Variants in LDB1 observed in about 807,000 individuals in gnomAD.
LDB1 encodes LIM domain-binding protein 1.
LDB1 carries 6 observed loss-of-function variants against 49.7 expected under a neutral mutation model. The ratio of observed to expected loss-of-function variants is 0.12; its 90% CI spans 0.07 to 0.24. The LOEUF is 0.24. Among genes scored for constraint, LDB1 ranks in the 10% least tolerant of loss-of-function variants. The pLI is 1.00. For synonymous variants in LDB1, 233 were observed against 202.0 expected (o/e 1.15, Z -1.30); for missense variants, 341 against 561.7 (o/e 0.61, Z 3.97).
intron 6 of LDB1, chr10:102,110,295 T>C (rs998654618): frequency 2.4e-5 from 15 of 624,002 alleles, no homozygotes; most frequent in Admixed American, 2.1e-4. Flanking sequence ...ACCCACCTGC[T>C]CTAAGCTATA....
At position 102,120,294 on chromosome 10, in the gene LDB1, G is replaced by C. The variant is rs566075078; in HGVS notation, c.-184C>G. ...CGAGGGGCCTGTCAGGCGCGGAGCA[G>C]ACAGGAAGGAAGCCAGGCAGGAAGG... On this transcript the variant is annotated 5_prime_UTR_variant, in exon 1 of 11. Coordinates refer to ENST00000673968, the MANE Select transcript of LDB1 (RefSeq NM_001113407.3). The C allele has an allele frequency of 4.1e-6, 4 of 984,136 alleles. No homozygotes were observed. In the Admixed American group the frequency reaches 2.5e-4, roughly 61 times the overall value. The allele number at this position is 984,136 out of a possible 1,614,324, so 61.0% of individuals were successfully genotyped here.
At chr10:102,116,417 G>A (rs1415614702) in intron 1 of LDB1, among the ~76,000 whole-genome samples, 1 of 152,158 alleles carries the variant, frequency 6.6e-6, no homozygotes, top group Non-Finnish European at 1.5e-5. Context: ...CTGACCTCAG[G>A]TGATCCACCC....
chr10:102,107,924 G>A lies in LDB1; in HGVS notation c.*169C>T, dbSNP rs572790384. 1.1e-4 allele frequency: 70 copies of A among 666,658 alleles called. No individual in the cohort carries two copies. The highest frequency in any genetic ancestry group is 5.4e-4 in the Admixed American group (21 of 38,908). The allele number at this position is 666,658 out of a possible 1,614,324, so 41.3% of individuals were successfully genotyped here. On this transcript the variant is annotated 3_prime_UTR_variant, in exon 11 of 11. Coordinates refer to ENST00000673968, the MANE Select transcript of LDB1 (RefSeq NM_001113407.3). ...GGCCAGGCCCAGCCCAGGGCCACTG[G>A]GGGGGCAAATCTTGGCACCTGCCCC...
In LDB1 at chr10:102,108,100, G is replaced by A. The variant is rs768226147; in HGVS notation, c.1229C>T (p.Ser410Phe). Reference sequence around the variant, plus strand: ...TGGCCACAGCAGGGCCTTTTACTGGGAGGCCTGTGACGTGGGGTTCTCCGA... The same window carrying A: ...TGGCCACAGCAGGGCCTTTTACTGGAAGGCCTGTGACGTGGGGTTCTCCGA... ...SKSENPTSQASQ is the reference protein window; with the variant it reads ...SKSENPTSQAFQ Residue 410 changes from serine to phenylalanine, a missense_variant, in exon 11 of 11, where the codon TCC becomes TTC. Ser to Phe is a radical substitution (Grantham distance 155, BLOSUM62 -2). Around this residue, in one of 5 missense-constraint regions of LDB1, gnomAD observed 46 missense variants for 62.9 expected, o/e 0.73. Coordinates refer to ENST00000673968, the MANE Select transcript of LDB1 (RefSeq NM_001113407.3). 1 of 1,613,536 alleles carries A rather than the reference G, an allele frequency of 6.2e-7. No homozygotes were observed. The highest frequency in any genetic ancestry group is 8.5e-7 in the Non-Finnish European group (1 of 1,179,520).
chr10:102,120,398 TGTGC>T (rs2068403048), upstream of LDB1: 2 of 983,458 alleles, frequency 2.0e-6, no homozygotes, highest in Non-Finnish European at 2.4e-6. Context: ...CGCGTGTGCG[TGTGC>T]GTGTCTGTGC....
chr10:102,110,133 T>A, intron 6 of LDB1, 90 bp from the exon 7 acceptor site: 1 of 1,398,780 alleles, frequency 7.1e-7, no homozygotes. Flanking sequence ...CTTACAACTC[T>A]CCCATTGCAT....
At chr10:102,110,834 T>C (rs1324682720) in intron 5 of LDB1, 35 bp downstream of exon 5, 4 of 1,589,640 alleles carry the variant, frequency 2.5e-6, no homozygotes, top group Admixed American at 3.3e-5. Context: ...ATAGGAGGTA[T>C]ACACCCTCAT....
downstream of LDB1, among the ~76,000 whole-genome samples, chr10:102,104,044 A>C (rs1377378279): frequency 6.6e-6 from 1 of 151,862 alleles, no homozygotes; most frequent in Non-Finnish European, 1.5e-5. Flanking sequence ...CCTGGGCGAC[A>C]CAGCAAGACT....
In LDB1 at chr10:102,117,894, T is replaced by C. The variant is rs1012752100; in HGVS notation, c.25+2192A>G. Among the ~76,000 whole-genome samples the C allele has an allele frequency of 2.0e-5, 3 of 152,136 alleles. No homozygotes were observed. The highest frequency in any genetic ancestry group is 2.9e-5 in the Non-Finnish European group (2 of 68,012). ...ATCTTGTGGTGCTTCTGCGTGTGCA[T>C]GTGTGTGGGTCTGTGTGCGCTCTGG... On this transcript the variant is annotated intron_variant, in intron 1 of 10. Transcript: ENST00000673968. The surrounding 1 kb of genome is among the most constrained non-coding windows in gnomAD (Gnocchi z 4.2).
chr10:102,114,489 G>A lies in LDB1; in HGVS notation c.26-2953C>T, dbSNP rs191834281. 4.9e-4 allele frequency: 484 copies of A among 986,344 alleles called. 1 individual carries two copies. The African/African-American group carries it at 7.9e-3, about 16-fold the overall frequency. 61.1% of individuals were successfully genotyped at this position (986,344 alleles called of 1,614,324 possible). ...TCCTGGCAGGGGTGAGGGCTGACGG[G>A]GGGACAACTTCAGCAGCTCATGTCC... On this transcript the variant is annotated intron_variant, in intron 1 of 10. Coordinates refer to ENST00000673968, the MANE Select transcript of LDB1 (RefSeq NM_001113407.3).
At position 102,112,964 on chromosome 10, in the gene LDB1, A is replaced by C. The variant is rs2068277088; in HGVS notation, c.26-1428T>G. Among the ~76,000 whole-genome samples the C allele has an allele frequency of 3.9e-5, 6 of 152,270 alleles. No homozygotes were observed. In the South Asian group the frequency reaches 1.2e-3, roughly 32 times the overall value. ...ACTCTGTTTCCCCTTCTCACCAGATAGGAGGGGAAACTGAGGCACAGGCCC... is the reference window on the plus strand; with the variant it reads ...ACTCTGTTTCCCCTTCTCACCAGATCGGAGGGGAAACTGAGGCACAGGCCC... On this transcript the variant is annotated intron_variant, in intron 1 of 10. Transcript: ENST00000673968.
chr10:102,115,524 C>T (rs1359378588), intron 1 of LDB1, among the ~76,000 whole-genome samples: 1 of 152,018 alleles, frequency 6.6e-6, no homozygotes, highest in Non-Finnish European at 1.5e-5. Flanking sequence ...GGAAGGGGGA[C>T]ACTCCAGGCT....
Position 102,114,905 on chromosome 10 carries a change from C to CA in LDB1, c.26-3370dup, listed in dbSNP as rs2068314467. On this transcript the variant is annotated intron_variant, in intron 1 of 10. Coordinates refer to ENST00000673968, the MANE Select transcript of LDB1 (RefSeq NM_001113407.3). ...TCACACTCACTCACACTCGCACACT[C>CA]AAACACACACGCAGCGCCCGCCGGC... is the stretch of plus-strand genomic sequence containing the variant. 3.2e-6 allele frequency: 3 copies of CA among 946,096 alleles called. No homozygotes were observed. In the East Asian group the frequency reaches 3.5e-4, roughly 111 times the overall value. The allele number at this position is 946,096 out of a possible 1,614,324, so 58.6% of individuals were successfully genotyped here.
chr10:102,111,796 A>C (rs2068258700), intron 1 of LDB1, among the ~76,000 whole-genome samples: 1 of 152,110 alleles, frequency 6.6e-6, no homozygotes, highest in African/African-American at 2.4e-5. Flanking sequence ...CACTGAAGTG[A>C]GCGGAGATCA....
At position 102,109,629 on chromosome 10, in the gene LDB1, G is replaced by A; in HGVS notation, c.703C>T (p.Leu235=). 1 of 1,614,124 alleles carries A rather than the reference G, an allele frequency of 6.2e-7. No homozygotes were observed. Among genetic ancestry groups the A allele is most frequent in the Non-Finnish European group, 8.5e-7 (1 of 1,180,002 alleles). The part of the protein sequence containing the change: ...QLSKNITRCG[L]SNSTLNYLRL... ...AGGTAGTTGAGAGTGGAATTGGACA[G>A]CCCACACCGAGTGATGTTTTTGGAG... Residue 235 remains leucine, a synonymous_variant, in exon 8 of 11, where the codon CTG becomes TTG. Coordinates refer to ENST00000673968, the MANE Select transcript of LDB1 (RefSeq NM_001113407.3). This position sits in a 1 kb window ranked among gnomAD's most constrained non-coding sequence, Gnocchi z 5.8.
Position 102,110,045 on chromosome 10 carries a change from TG to T in LDB1, c.526-3del. The stretch of plus-strand genomic sequence containing the variant: ...GTACAACCGGCCCTCCACACACACC[TG>T]GGGACAGGCTTGTCAGAACCCTGCC... On this transcript the variant is annotated splice_region_variant and splice_polypyrimidine_tract_variant and intron_variant, in intron 6 of 10. Coordinates refer to ENST00000673968, the MANE Select transcript of LDB1 (RefSeq NM_001113407.3). 6.2e-7 allele frequency: 1 copy of T among 1,611,936 alleles called. No individual in the cohort carries two copies. The highest frequency in any genetic ancestry group is 8.5e-7 in the Non-Finnish European group (1 of 1,178,742).
intron 1 of LDB1, 117 bp from the exon 2 acceptor site, chr10:102,111,653 C>T: frequency 1.7e-6 from 1 of 587,658 alleles, no homozygotes; most frequent in Non-Finnish European, 3.0e-6. Flanking sequence ...GCTGCAGGGA[C>T]CAGCCTAGGC....
chr10:102,114,552 C>G (rs1185808162), intron 1 of LDB1: 3 of 985,630 alleles, frequency 3.0e-6, no homozygotes, highest in Non-Finnish European at 3.6e-6. Context: ...AGCTCCAGTC[C>G]GCCGGCCGCA....
chr10:102,115,238 C>T (rs1330602355), intron 1 of LDB1, among the ~76,000 whole-genome samples: 1 of 152,186 alleles, frequency 6.6e-6, no homozygotes, highest in African/African-American at 2.4e-5. Flanking sequence ...CTCCCCCGAG[C>T]CCCAGGCACG....
Sources: allele counts gnomAD v4.1 joint callset (sites outside exome capture counted in the v4.1 genomes callset), GRCh38; gene constraint gnomAD v4.1.1; regional missense constraint gnomAD v4.1.1; non-coding constraint Gnocchi (gnomAD v3.1); transcripts MANE v1.5; gene names NCBI Gene and HGNC (gene_info 2026-07-23, HGNC 2026-07-21).